Variants in CNTNAP2 observed in about 807,000 individuals in gnomAD.
CNTNAP2 encodes the protein contactin associated protein 2, also known as contactin-associated protein-like 2.
CNTNAP2 carries 98 observed loss-of-function variants against 155.2 expected under a neutral mutation model. That is an observed-to-expected ratio of 0.63 (90% CI 0.54 to 0.75). CNTNAP2 has a LOEUF of 0.75. CNTNAP2 is among the 30% of genes least tolerant of loss of function. The probability of loss-of-function intolerance (pLI) is 0.00; values close to 1 mark genes in which losing one functional copy is unlikely to be tolerated. For missense variants in CNTNAP2, 1,727 were observed against 1,688.1 expected, an observed-to-expected ratio of 1.02 and a Z score of -0.40; for synonymous variants, 651 against 631.2, an observed-to-expected ratio of 1.03 and a Z score of -0.47.
At chr7:146,373,151 G>A (rs1033535002) in intron 1 of CNTNAP2, among the ~76,000 whole-genome samples, 3 of 152,088 alleles carry the variant, frequency 2.0e-5, no homozygotes, top group African/African-American at 7.2e-5. Flanking sequence ...GATCCACCTT[G>A]GAGAAAAGAC....
At chr7:147,057,341 A>AT (rs547034608) in intron 4 of CNTNAP2, among the ~76,000 whole-genome samples, 161 of 151,908 alleles carry the variant, frequency 1.1e-3, no homozygotes, top group African/African-American at 2.6e-3. Flanking sequence ...CATTTCTTCT[A>AT]TTTTTTTTAA....
chr7:147,270,993 TA>T (rs1402602514), intron 8 of CNTNAP2, among the ~76,000 whole-genome samples: 2 of 152,194 alleles, frequency 1.3e-5, no homozygotes, highest in African/African-American at 4.8e-5. Context: ...AGCCGCTTTT[TA>T]TACCTGATTT....
intron 13 of CNTNAP2, among the ~76,000 whole-genome samples, chr7:147,872,877 A>G (rs1431037137): frequency 6.6e-6 from 1 of 152,330 alleles, no homozygotes. Flanking sequence ...TTAAAACACA[A>G]ATATATAGCA....
At chr7:146,439,912 T>G (rs1368515893) in intron 1 of CNTNAP2, among the ~76,000 whole-genome samples, 1 of 151,506 alleles carries the variant, frequency 6.6e-6, no homozygotes, top group African/African-American at 2.4e-5. Context: ...TCACCTGAGG[T>G]CAGGAGTTCG....
intron 12 of CNTNAP2, among the ~76,000 whole-genome samples, chr7:147,628,621 A>G (rs9886094): frequency 0.09 from 13,689 of 152,232 alleles, 1,713 homozygotes; most frequent in African/African-American, 0.26. Flanking sequence ...AGTACCTCAC[A>G]TCTCACTGCT....
chr7:146,410,338 T>C (rs1795848525), intron 1 of CNTNAP2, among the ~76,000 whole-genome samples: 1 of 152,158 alleles, frequency 6.6e-6, no homozygotes, highest in African/African-American at 2.4e-5. Flanking sequence ...TGACAGAACC[T>C]CTATGGCCAC....
At chr7:147,964,122 C>T (rs1342599895) in intron 14 of CNTNAP2, among the ~76,000 whole-genome samples, 2 of 151,944 alleles carry the variant, frequency 1.3e-5, no homozygotes, top group Admixed American at 6.6e-5. Context: ...GGAAGAAACA[C>T]AGGAGAGGTT....
Position 147,132,277 on chromosome 7 carries a change from T to C in CNTNAP2, c.1116T>C (p.Tyr372=), listed in dbSNP as rs755592359. 9 of 1,613,770 alleles carry C rather than the reference T, an allele frequency of 5.6e-6. No homozygotes were observed. In the Admixed American group the frequency reaches 1.3e-4, roughly 24 times the overall value. ...GNLSFSCVEP[Y]TVPVFFNATS... Reference sequence around the variant, plus strand: ...TGAGCTTTTCTTGTGTGGAACCCTATACGGTGCCTGTCTTTTTCAACGCTA... The same window carrying C: ...TGAGCTTTTCTTGTGTGGAACCCTACACGGTGCCTGTCTTTTTCAACGCTA... The change falls in exon 8 of 24, where the codon TAT becomes TAC. Residue 372 remains tyrosine, a synonymous_variant. Coordinates refer to ENST00000361727, the MANE Select transcript of CNTNAP2 (RefSeq NM_014141.6).
At chr7:148,267,665 A>C (rs1796696461) in intron 21 of CNTNAP2, among the ~76,000 whole-genome samples, 1 of 151,456 alleles carries the variant, frequency 6.6e-6, no homozygotes, top group Non-Finnish European at 1.5e-5. Flanking sequence ...AAAAAAAAAA[A>C]AAAAAAACAA....
At chr7:147,777,801 C>A (rs1384672745) in intron 13 of CNTNAP2, among the ~76,000 whole-genome samples, 1 of 152,182 alleles carries the variant, frequency 6.6e-6, no homozygotes, top group African/African-American at 2.4e-5. Context: ...TTTCTCATAG[C>A]TATAATTATG....
intron 3 of CNTNAP2, among the ~76,000 whole-genome samples, chr7:146,969,699 T>C (rs113093928): frequency 1.3e-5 from 2 of 152,060 alleles, no homozygotes; most frequent in African/African-American, 4.8e-5. Flanking sequence ...TTTGAGCCTA[T>C]GTGTGTTTAC....
At chr7:148,175,424 C>T (rs2972124) in intron 18 of CNTNAP2, among the ~76,000 whole-genome samples, 5,731 of 152,160 alleles carry the variant, frequency 0.038, 250 homozygotes, top group African/African-American at 0.1. Flanking sequence ...TCTAGTTGTA[C>T]TTTCTGGAAT....
rs572212154 is a variant in CNTNAP2, at chr7:146,527,761, G to A, written c.98-246510G>A. 3.5e-4 allele frequency among the ~76,000 whole-genome samples: 53 copies of A among 151,980 alleles called. 1 individual carries two copies. Among genetic ancestry groups the A allele is most frequent in the Non-Finnish European group, 5.9e-4 (40 of 67,994 alleles). On this transcript the variant is annotated intron_variant, in intron 1 of 23. Transcript: ENST00000361727. ...ATAAAAATACAATATTCGACAAGTGGATAATGTTATTGCTGGGATGCTTGA... is the reference window on the plus strand; with the variant it reads ...ATAAAAATACAATATTCGACAAGTGAATAATGTTATTGCTGGGATGCTTGA...
At chr7:147,434,256 AT>A (rs201983037) in intron 10 of CNTNAP2, among the ~76,000 whole-genome samples, 2,444 of 152,270 alleles carry the variant, frequency 0.016, 64 homozygotes, top group African/African-American at 0.055. Context: ...GTTAATAATT[AT>A]GTTGATTTCT....
At chr7:148,403,718 G>A (rs564618844) in intron 22 of CNTNAP2, among the ~76,000 whole-genome samples, 10 of 152,300 alleles carry the variant, frequency 6.6e-5, no homozygotes, top group Non-Finnish European at 1.3e-4. Flanking sequence ...TGTTCCCAGG[G>A]GAAAGGTCAG....
intron 9 of CNTNAP2, among the ~76,000 whole-genome samples, chr7:147,369,342 G>A (rs918183631): frequency 5.3e-5 from 8 of 152,092 alleles, no homozygotes; most frequent in Middle Eastern, 3.2e-3. Flanking sequence ...CAAGCTAAAC[G>A]TGTCTCATTT....
At chr7:147,423,846 C>T (rs1797336103) in intron 10 of CNTNAP2, among the ~76,000 whole-genome samples, 1 of 152,188 alleles carries the variant, frequency 6.6e-6, no homozygotes. Context: ...CTTGTTCACT[C>T]ATGTGCTCAC....
At chr7:147,111,008 C>T (rs1449044874) in intron 5 of CNTNAP2, among the ~76,000 whole-genome samples, 1 of 152,170 alleles carries the variant, frequency 6.6e-6, no homozygotes, top group East Asian at 1.9e-4. Context: ...TAAAAGCTTT[C>T]CTTTTTCTCT....
intron 9 of CNTNAP2, among the ~76,000 whole-genome samples, chr7:147,330,206 A>G (rs755461582): frequency 7.2e-5 from 11 of 152,086 alleles, no homozygotes; most frequent in Non-Finnish European, 8.8e-5. Context: ...AAATTCCTGA[A>G]TGACAAGAGT....
Sources: allele counts gnomAD v4.1 joint callset (sites outside exome capture counted in the v4.1 genomes callset), GRCh38; gene constraint gnomAD v4.1.1; transcripts MANE v1.5; gene names NCBI Gene and HGNC (gene_info 2026-07-23, HGNC 2026-07-21).